The following ERBB4 variants were observed in gnomAD, a reference collection of about 807,000 sequenced individuals.
ERBB4 encodes the protein erb-b2 receptor tyrosine kinase 4.
A neutral mutation model predicts 158.0 loss-of-function variants in ERBB4; 42 were observed. That is an observed-to-expected ratio of 0.27 (90% CI 0.21 to 0.34). The LOEUF (loss-of-function observed/expected upper bound fraction) is 0.34. Ranked by LOEUF, ERBB4 falls within the 10% of genes least tolerant of loss-of-function variation. ERBB4 has a pLI of 1.00. For missense variants in ERBB4, 1,333 were observed against 1,624.1 expected, an observed-to-expected ratio of 0.82 and a Z score of 3.08; for synonymous variants, 583 against 558.7, an observed-to-expected ratio of 1.04 and a Z score of -0.61.
chr2:212,524,490 A>G (rs190347348), intron 1 of ERBB4, among the ~76,000 whole-genome samples: 22 of 152,156 alleles, frequency 1.4e-4, no homozygotes, highest in Non-Finnish European at 2.2e-4. Flanking sequence ...AGCCTAATTT[A>G]TAGACACAAA....
intron 1 of ERBB4, among the ~76,000 whole-genome samples, chr2:212,350,693 T>C (rs1312339428): frequency 6.6e-6 from 1 of 152,142 alleles, no homozygotes; most frequent in Admixed American, 6.6e-5. Flanking sequence ...CATGAGTTTA[T>C]AAAATTGCCT....
chr2:212,243,282 G>A (rs1012345524), intron 1 of ERBB4, among the ~76,000 whole-genome samples: 1 of 152,154 alleles, frequency 6.6e-6, no homozygotes, highest in Non-Finnish European at 1.5e-5. Context: ...TTCAACTGAT[G>A]TAAAGATGAA....
chr2:211,803,924 C>T (rs1295511659), intron 3 of ERBB4, among the ~76,000 whole-genome samples: 2 of 152,192 alleles, frequency 1.3e-5, no homozygotes, highest in African/African-American at 2.4e-5. Flanking sequence ...GCAGAAGCCC[C>T]TACTGTTACA....
At chr2:212,052,644 C>A (rs140536044) in intron 2 of ERBB4, among the ~76,000 whole-genome samples, 3 of 152,134 alleles carry the variant, frequency 2.0e-5, no homozygotes, top group Admixed American at 6.5e-5. Flanking sequence ...AGAAATGGAC[C>A]CTTTTGGTCT....
intron 2 of ERBB4, among the ~76,000 whole-genome samples, chr2:211,999,978 G>T (rs2076067692): frequency 6.6e-6 from 1 of 151,700 alleles, no homozygotes; most frequent in African/African-American, 2.4e-5. Flanking sequence ...TCTAGTCACG[G>T]TATAATAGTA....
chr2:211,878,306 GA>G lies in ERBB4; in HGVS notation c.421+69123del, dbSNP rs531330794. Among the ~76,000 whole-genome samples, 403 of 151,720 alleles carry G rather than the reference GA, an allele frequency of 2.7e-3. 2 individuals carry two copies. The highest frequency in any genetic ancestry group is 9.2e-3 in the African/African-American group (383 of 41,426). On this transcript the variant is annotated intron_variant, in intron 3 of 27. Transcript: ENST00000342788. ...TGTCCTTTAGGCCTAAACAACTAAA[GA>G]AAAAAAATTTAAATAACAAAATAAC... is the stretch of plus-strand genomic sequence containing the variant.
At position 212,401,949 on chromosome 2, in the gene ERBB4, C is replaced by T. The variant is rs564011502; in HGVS notation, c.82+136500G>A. 1.3e-3 allele frequency among the ~76,000 whole-genome samples: 201 copies of T among 152,176 alleles called. 1 individual carries two copies. The highest frequency in any genetic ancestry group is 2.4e-3 in the Non-Finnish European group (162 of 67,990). ...CTGGGAATATAAAATAGCATGGCTA[C>T]TCTGGAAAATAGTTTGAGGTTTCTC... On this transcript the variant is annotated intron_variant, in intron 1 of 27. Transcript: ENST00000342788.
Position 212,374,035 on chromosome 2 carries a change from C to CATAT in ERBB4, c.82+164410_82+164413dup, listed in dbSNP as rs573635699. On this transcript the variant is annotated intron_variant, in intron 1 of 27. Coordinates refer to ENST00000342788, the MANE Select transcript of ERBB4 (RefSeq NM_005235.3). ...CCATATATATCCATATATATATATC[C>CATAT]ATATATATCCATATATATATATCCA... Among the ~76,000 whole-genome samples, 68 of 96,822 alleles carry CATAT rather than the reference C, an allele frequency of 7.0e-4. 6 individuals carry two copies. Among genetic ancestry groups the CATAT allele is most frequent in the African/African-American group, 2.2e-3 (66 of 29,500 alleles). The allele number at this position is 96,822 out of a possible 152,430, so 63.5% of individuals were successfully genotyped here.
At chr2:211,511,306 G>T (rs993358266) in intron 20 of ERBB4, among the ~76,000 whole-genome samples, 1 of 151,886 alleles carries the variant, frequency 6.6e-6, no homozygotes, top group African/African-American at 2.4e-5. Flanking sequence ...GCTAATTATA[G>T]GTAATGTGAT....
intron 3 of ERBB4, among the ~76,000 whole-genome samples, chr2:211,861,644 A>G (rs12991164): frequency 0.21 from 32,055 of 152,052 alleles, 3,535 homozygotes; most frequent in South Asian, 0.32. Context: ...TACATGCACA[A>G]TATGTTCACA....
chr2:212,457,843 T>G (rs2106053441), intron 1 of ERBB4, among the ~76,000 whole-genome samples: 1 of 152,140 alleles, frequency 6.6e-6, no homozygotes, highest in Admixed American at 6.6e-5. Context: ...AAAGTCTTGA[T>G]CTTAAAGATC....
intron 2 of ERBB4, among the ~76,000 whole-genome samples, chr2:212,057,903 TAGC>T (rs1470378090): frequency 2.6e-5 from 4 of 152,104 alleles, no homozygotes; most frequent in Admixed American, 6.5e-5. Flanking sequence ...ATTCAAAAGC[TAGC>T]AGAAGGCAAG....
At chr2:211,410,058 C>G (rs73083850) in intron 25 of ERBB4, among the ~76,000 whole-genome samples, 5,185 of 152,066 alleles carry the variant, frequency 0.034, 279 homozygotes, top group African/African-American at 0.12. Context: ...CAGAGAAAAT[C>G]TAGTGGAAAC....
intron 19 of ERBB4, among the ~76,000 whole-genome samples, chr2:211,616,095 C>T (rs562492656): frequency 2.6e-4 from 40 of 152,194 alleles, no homozygotes; most frequent in Middle Eastern, 6.8e-3. Context: ...CCTTTCTTTG[C>T]TTGACAGCTT....
rs529364080 is a variant in ERBB4, at chr2:212,191,843, CAT to C, written c.83-66942_83-66941del. Among the ~76,000 whole-genome samples, 12 of 136,912 alleles carry C rather than the reference CAT, an allele frequency of 8.8e-5. No individual in the cohort carries two copies. The South Asian group carries it at 1.4e-3, about 16-fold the overall frequency. The allele number at this position is 136,912 out of a possible 152,430, so 89.8% of individuals were successfully genotyped here. A position where few individuals can be genotyped will look rare whatever the true frequency, so the allele number is the denominator to read the frequency against. ...TATATGTTCTATGTTATATATAATACATGTTATATATGTTCTATATATTATAT... is the reference window on the plus strand; with the variant it reads ...TATATGTTCTATGTTATATATAATACGTTATATATGTTCTATATATTATAT... On this transcript the variant is annotated intron_variant, in intron 1 of 27. Transcript: ENST00000342788.
chr2:211,972,905 T>C (rs563151877), intron 2 of ERBB4, among the ~76,000 whole-genome samples: 1 of 152,040 alleles, frequency 6.6e-6, no homozygotes, highest in Non-Finnish European at 1.5e-5. Context: ...CATTGCTAAA[T>C]GGGATATAAT....
At chr2:211,685,805 T>C (rs1203174836) in intron 12 of ERBB4, among the ~76,000 whole-genome samples, 1 of 152,176 alleles carries the variant, frequency 6.6e-6, no homozygotes, top group African/African-American at 2.4e-5. Flanking sequence ...TTCATCAGTA[T>C]TTTGTAGTTT....
intron 1 of ERBB4, among the ~76,000 whole-genome samples, chr2:212,126,396 G>A (rs997790939): frequency 1.4e-5 from 2 of 147,844 alleles, no homozygotes; most frequent in South Asian, 2.1e-4. Flanking sequence ...GGAGGAGGAG[G>A]TTGCAGTGAG....
chr2:212,530,192 A>T (rs1366326049), intron 1 of ERBB4, among the ~76,000 whole-genome samples: 1 of 152,128 alleles, frequency 6.6e-6, no homozygotes, highest in Non-Finnish European at 1.5e-5. Context: ...ACCCTGCCTG[A>T]GGTTTCTAAG....
Sources: gnomAD v4.1 joint callset for allele counts (sites outside exome capture counted in the v4.1 genomes callset) on GRCh38, gnomAD v4.1.1 for gene constraint, MANE v1.5 for transcripts, NCBI Gene and HGNC (gene_info 2026-07-23, HGNC 2026-07-21) for gene names.